The following CNTNAP5 variants were observed in gnomAD, a reference collection of about 807,000 sequenced individuals.
The protein encoded by CNTNAP5 is contactin-associated protein-like 5.
In CNTNAP5, 72 loss-of-function variants were observed where a neutral mutation model predicts 150.2. The observed-to-expected ratio is 0.48, with a 90% confidence interval of 0.40 to 0.58. The LOEUF (loss-of-function observed/expected upper bound fraction) is 0.58. Among genes scored for constraint, CNTNAP5 ranks in the 20% least tolerant of loss-of-function variants. The pLI, the probability that CNTNAP5 is intolerant of heterozygous loss-of-function variation, is 0.00. For missense variants in CNTNAP5, 1,636 were observed against 1,626.2 expected (o/e 1.01, Z -0.10); for synonymous variants, 672 against 619.8 (o/e 1.08, Z -1.25).
At chr2:124,265,189 G>C (rs1687573323) in intron 3 of CNTNAP5, among the ~76,000 whole-genome samples, 1 of 152,198 alleles carries the variant, frequency 6.6e-6, no homozygotes, top group South Asian at 2.1e-4. Context: ...AGGTGCACAA[G>C]GATGTGAATA....
At chr2:124,575,247 TC>T (rs940997469) in intron 11 of CNTNAP5, among the ~76,000 whole-genome samples, 3 of 152,190 alleles carry the variant, frequency 2.0e-5, no homozygotes, top group African/African-American at 7.2e-5. Flanking sequence ...TATATCATGC[TC>T]TAGACAAGGT....
At chr2:124,689,963 A>G (rs553196898) in intron 13 of CNTNAP5, among the ~76,000 whole-genome samples, 1 of 151,916 alleles carries the variant, frequency 6.6e-6, no homozygotes, top group Admixed American at 6.6e-5. Flanking sequence ...CCAAAAGGGG[A>G]AGTTCTGTTC....
chr2:124,026,080 G>T (rs1337856570), intron 1 of CNTNAP5, among the ~76,000 whole-genome samples: 2 of 152,196 alleles, frequency 1.3e-5, no homozygotes, highest in African/African-American at 4.8e-5. Context: ...TGCACTGGGA[G>T]CTGAGCTTCC....
intron 1 of CNTNAP5, among the ~76,000 whole-genome samples, chr2:124,217,925 G>T (rs1170607): frequency 0.78 from 118,727 of 152,032 alleles, 46,605 homozygotes; most frequent in East Asian, 1. Context: ...GAATGTATTA[G>T]CTGGAATCAT....
chr2:124,700,306 G>C (rs1679495257), intron 13 of CNTNAP5, among the ~76,000 whole-genome samples: 1 of 152,094 alleles, frequency 6.6e-6, no homozygotes. Flanking sequence ...TGGATCTTAT[G>C]AATAATGCTG....
intron 13 of CNTNAP5, among the ~76,000 whole-genome samples, chr2:124,686,535 T>G (rs1283248668): frequency 6.6e-6 from 1 of 152,062 alleles, no homozygotes; most frequent in African/African-American, 2.4e-5. Context: ...GCTTCCCCTT[T>G]GTTCCAGATG....
intron 1 of CNTNAP5, among the ~76,000 whole-genome samples, chr2:124,107,314 C>T (rs1683190969): frequency 6.6e-6 from 1 of 152,178 alleles, no homozygotes; most frequent in African/African-American, 2.4e-5. Context: ...CCAGAGGCAT[C>T]CAGACCACAT....
intron 1 of CNTNAP5, among the ~76,000 whole-genome samples, chr2:124,161,416 GAGAGA>G (rs1228601675): frequency 6.6e-6 from 1 of 152,150 alleles, no homozygotes; most frequent in Non-Finnish European, 1.5e-5. Context: ...CTAGGAAACA[GAGAGA>G]AGAGAAGTTG....
intron 7 of CNTNAP5, among the ~76,000 whole-genome samples, chr2:124,496,063 A>T (rs1191766163): frequency 6.6e-6 from 1 of 151,712 alleles, no homozygotes; most frequent in Non-Finnish European, 1.5e-5. Flanking sequence ...AGTCTGTCTC[A>T]CTCCTTCACT....
rs561654281 is a variant in CNTNAP5 at position 124,337,254 on chromosome 2, T to C, written c.382-80189T>C. 2.8e-4 allele frequency among the ~76,000 whole-genome samples: 43 copies of C among 152,336 alleles called. No homozygotes were observed. The South Asian group carries it at 3.3e-3, about 12-fold the overall frequency. On this transcript the variant is annotated intron_variant, in intron 3 of 23. Transcript: ENST00000682447. ...TCCTTGTAAATTTGTTTGAGTTCTT[T>C]GTAGATTCTAGATATTAGCCCTTTG...
rs1681892035 is a variant in CNTNAP5, at chr2:124,798,328, T to C, written c.3217+8T>C. 1.3e-6 allele frequency: 2 copies of C among 1,585,874 alleles called. No homozygotes were observed. Among genetic ancestry groups the C allele is most frequent in the South Asian group, 2.2e-5 (2 of 90,508 alleles). On this transcript the variant is annotated splice_region_variant and intron_variant, in intron 19 of 23. Transcript: ENST00000682447. The stretch of plus-strand genomic sequence containing the variant: ...TTCTGCTCTGCAAGAATGGTGAGTG[T>C]GATGGCATGATACCCAGCGGAGTCT...
intron 19 of CNTNAP5, among the ~76,000 whole-genome samples, chr2:124,821,516 T>C (rs1360246585): frequency 6.6e-6 from 1 of 152,242 alleles, no homozygotes; most frequent in Non-Finnish European, 1.5e-5. Context: ...GTGTTGAGGA[T>C]GTTGATCCTG....
chr2:124,455,075 C>T (rs576929990), intron 6 of CNTNAP5, among the ~76,000 whole-genome samples: 2 of 151,618 alleles, frequency 1.3e-5, no homozygotes, highest in African/African-American at 2.4e-5. Context: ...TTGAAACACA[C>T]ATACGAAAAA....
At chr2:124,451,182 A>G (rs1431377112) in intron 6 of CNTNAP5, among the ~76,000 whole-genome samples, 2 of 150,356 alleles carry the variant, frequency 1.3e-5, no homozygotes, top group African/African-American at 4.9e-5. Flanking sequence ...CACTTCATAG[A>G]TACTGAAAAG....
chr2:124,586,769 A>AT (rs1696546183), intron 11 of CNTNAP5, among the ~76,000 whole-genome samples: 1 of 152,220 alleles, frequency 6.6e-6, no homozygotes, highest in South Asian at 2.1e-4. Context: ...CTTCCAGGGC[A>AT]ACCTCCAACT....
chr2:124,116,898 C>A (rs1037288750), intron 1 of CNTNAP5, among the ~76,000 whole-genome samples: 2 of 152,146 alleles, frequency 1.3e-5, no homozygotes, highest in Non-Finnish European at 2.9e-5. Context: ...GAGCTAGAAT[C>A]CAGGCTGAAA....
rs1226810062 is a variant in CNTNAP5, at chr2:124,768,269, G to GTA, written c.2533+4124_2533+4125dup. On this transcript the variant is annotated intron_variant, in intron 16 of 23. Transcript: ENST00000682447. ...AAAACTGTACATATATATACTGTAT[G>GTA]TATGTGTGTGTGTGTGTGTGTGTGT... 1.1e-3 allele frequency among the ~76,000 whole-genome samples: 114 copies of GTA among 106,434 alleles called. 1 individual carries two copies. The highest frequency in any genetic ancestry group is 3.9e-3 in the African/African-American group (106 of 27,030). The allele number at this position is 106,434 out of a possible 152,430, so 69.8% of individuals were successfully genotyped here.
chr2:124,703,725 G>GC (rs1679574420), intron 13 of CNTNAP5, among the ~76,000 whole-genome samples: 1 of 152,132 alleles, frequency 6.6e-6, no homozygotes, highest in Non-Finnish European at 1.5e-5. Context: ...TTCTGCCCAG[G>GC]TCTCATCTCT....
At chr2:124,211,009 T>A (rs1361376524) in intron 1 of CNTNAP5, among the ~76,000 whole-genome samples, 1 of 152,194 alleles carries the variant, frequency 6.6e-6, no homozygotes, top group Admixed American at 6.5e-5. Context: ...GCATGATACA[T>A]GATGCCTGGG....
Sources: allele counts gnomAD v4.1 joint callset (sites outside exome capture counted in the v4.1 genomes callset), GRCh38; gene constraint gnomAD v4.1.1; transcripts MANE v1.5; gene names NCBI Gene and HGNC (gene_info 2026-07-23, HGNC 2026-07-21).